CLIC4: variants seen among roughly 807,000 people sequenced by gnomAD.
The protein encoded by CLIC4 is chloride intracellular channel protein 4.
A neutral mutation model predicts 24.6 loss-of-function variants in CLIC4; 13 were observed. The ratio of observed to expected loss-of-function variants is 0.53; its 90% CI spans 0.34 to 0.84. The LOEUF (loss-of-function observed/expected upper bound fraction) is 0.84. Among genes scored for constraint, CLIC4 ranks in the 40% least tolerant of loss-of-function variants. The pLI, the probability that CLIC4 is intolerant of heterozygous loss-of-function variation, is 0.01. For synonymous variants in CLIC4, 104 were observed against 111.3 expected, an observed-to-expected ratio of 0.93 and a Z score of 0.41; for missense variants, 227 against 301.7, an observed-to-expected ratio of 0.75 and a Z score of 1.83.
intron 4 of CLIC4, among the ~76,000 whole-genome samples, chr1:24,835,298 C>T (rs1639875591): frequency 6.6e-6 from 1 of 152,228 alleles, no homozygotes; most frequent in Non-Finnish European, 1.5e-5. Flanking sequence ...TGCGGTGGCT[C>T]ACGCCTGTAA....
chr1:24,837,841 C>T (rs540678916), intron 4 of CLIC4, among the ~76,000 whole-genome samples: 2 of 152,268 alleles, frequency 1.3e-5, no homozygotes, highest in African/African-American at 4.8e-5. Flanking sequence ...TGGTGAAACC[C>T]GGTCTTCTCC....
intron 3 of CLIC4, among the ~76,000 whole-genome samples, chr1:24,826,709 G>A (rs867670151): frequency 1.4e-4 from 21 of 152,256 alleles, no homozygotes; most frequent in Middle Eastern, 3.4e-3. Context: ...ACTCCCATTG[G>A]CCTGGCAGAA....
chr1:24,804,514 T>G (rs1349918179), intron 2 of CLIC4, among the ~76,000 whole-genome samples: 4 of 38,376 alleles, frequency 1.0e-4, no homozygotes, highest in East Asian at 9.2e-4. Flanking sequence ...TGTGTGTGTA[T>G]GTGGGTGGGT....
chr1:24,822,640 CTTAAT>C (rs1298178108), intron 3 of CLIC4, among the ~76,000 whole-genome samples: 1 of 152,082 alleles, frequency 6.6e-6, no homozygotes, highest in African/African-American at 2.4e-5. Context: ...CCTGCCCTTA[CTTAAT>C]TCAGTGAATG....
At chr1:24,830,348 A>G (rs1217942666) in intron 4 of CLIC4, among the ~76,000 whole-genome samples, 1 of 152,110 alleles carries the variant, frequency 6.6e-6, no homozygotes, top group Admixed American at 6.5e-5. Flanking sequence ...ATGCTTCTAT[A>G]TCAAAATATA....
chr1:24,772,962 T>C (rs1639090102), intron 1 of CLIC4, among the ~76,000 whole-genome samples: 3 of 152,230 alleles, frequency 2.0e-5, no homozygotes, highest in Non-Finnish European at 4.4e-5. Context: ...TCTTCATTAA[T>C]CCATTGTTCT....
At chr1:24,755,607 T>C (rs1014710858) in intron 1 of CLIC4, among the ~76,000 whole-genome samples, 1 of 149,804 alleles carries the variant, frequency 6.7e-6, no homozygotes, top group Non-Finnish European at 1.5e-5. Flanking sequence ...AGATCCTATC[T>C]CTTAAAAAAA....
intron 2 of CLIC4, among the ~76,000 whole-genome samples, chr1:24,801,631 T>C (rs1639491367): frequency 6.6e-6 from 1 of 152,230 alleles, no homozygotes; most frequent in African/African-American, 2.4e-5. Context: ...GTGGCAGAAT[T>C]AATCTATGTT....
chr1:24,795,549 T>TAA (rs564857779), intron 1 of CLIC4, among the ~76,000 whole-genome samples: 1 of 146,312 alleles, frequency 6.8e-6, no homozygotes, highest in Non-Finnish European at 1.5e-5. Flanking sequence ...AAAAAAAAAA[T>TAA]AAAAAAAAAA....
intron 1 of CLIC4, among the ~76,000 whole-genome samples, chr1:24,785,281 C>T (rs1639254010): frequency 1.3e-5 from 2 of 152,014 alleles, no homozygotes; most frequent in Non-Finnish European, 2.9e-5. Flanking sequence ...GTCTTTAAGT[C>T]AAGTAACATT....
chr1:24,785,854 C>CA (rs61009244), intron 1 of CLIC4, among the ~76,000 whole-genome samples: 4,737 of 58,822 alleles, frequency 0.081, 209 homozygotes, highest in East Asian at 0.2. Context: ...GACTACAACT[C>CA]AAAAAAAAAA....
chr1:24,797,647 G>A (rs1639419627), intron 1 of CLIC4, 95 bp from the exon 2 acceptor site: 3 of 787,682 alleles, frequency 3.8e-6, no homozygotes, highest in East Asian at 5.7e-5. Flanking sequence ...ACTTTTCCTG[G>A]CTTCTTGTAC....
At chr1:24,783,255 G>GACTATCTAACCC (rs1639227072) in intron 1 of CLIC4, among the ~76,000 whole-genome samples, 1 of 152,130 alleles carries the variant, frequency 6.6e-6, no homozygotes, top group East Asian at 1.9e-4. Flanking sequence ...AAGACCCAGA[G>GACTATCTAACCC]AGGTTAAGTG....
intron 1 of CLIC4, among the ~76,000 whole-genome samples, chr1:24,773,262 T>C (rs1203709512): frequency 6.6e-6 from 1 of 152,208 alleles, no homozygotes; most frequent in Non-Finnish European, 1.5e-5. Flanking sequence ...GTGGAGTGTC[T>C]AGTTAAAATT....
chr1:24,826,984 TA>T (rs763354050), intron 3 of CLIC4, 25 bp from the exon 4 acceptor site: 4 of 1,493,952 alleles, frequency 2.7e-6, no homozygotes, highest in Non-Finnish European at 3.7e-6. Context: ...GAAGGATCTA[TA>T]ATCCATATCA....
intron 1 of CLIC4, among the ~76,000 whole-genome samples, chr1:24,788,607 C>T (rs769401568): frequency 2.0e-5 from 3 of 152,188 alleles, no homozygotes; most frequent in Non-Finnish European, 2.9e-5. Flanking sequence ...ATTCAAGTTA[C>T]AGCATGTATC....
chr1:24,786,605 A>T (rs1639270021), intron 1 of CLIC4, among the ~76,000 whole-genome samples: 1 of 152,098 alleles, frequency 6.6e-6, no homozygotes, highest in Non-Finnish European at 1.5e-5. Context: ...ATTCGAGTTT[A>T]AAAAAATTAT....
intron 1 of CLIC4, among the ~76,000 whole-genome samples, chr1:24,794,001 T>C (rs1456494773): frequency 2.0e-5 from 3 of 152,212 alleles, no homozygotes; most frequent in Non-Finnish European, 4.4e-5. Flanking sequence ...CAACAGGCTG[T>C]GTTGATCTCT....
chr1:24,809,708 G>A (rs1274713602), intron 2 of CLIC4, among the ~76,000 whole-genome samples: 1 of 152,020 alleles, frequency 6.6e-6, no homozygotes, highest in Non-Finnish European at 1.5e-5. Flanking sequence ...TGATCCACCC[G>A]CTTCGGCCTC....
Sources: allele counts gnomAD v4.1 joint callset (sites outside exome capture counted in the v4.1 genomes callset), GRCh38; gene constraint gnomAD v4.1.1; transcripts MANE v1.5; gene names NCBI Gene and HGNC (gene_info 2026-07-23, HGNC 2026-07-21).